BOLA3: variants seen among roughly 807,000 people sequenced by gnomAD.
BOLA3 encodes the protein bolA-like protein 3.
BOLA3 carries 8 observed loss-of-function variants against 14.5 expected under a neutral mutation model. The observed-to-expected ratio is 0.55, with a 90% CI of 0.32 to 0.99. The LOEUF (loss-of-function observed/expected upper bound fraction) is 0.99, where lower values mean the gene tolerates loss of function less well. Among genes scored for constraint, BOLA3 ranks in the 50% least tolerant of loss-of-function variants. BOLA3 has a pLI of 0.04. For missense variants in BOLA3, 115 were observed against 138.2 expected, an observed-to-expected ratio of 0.83 and a Z score of 0.84; for synonymous variants, 42 against 45.7, an observed-to-expected ratio of 0.92 and a Z score of 0.33.
At chr2:74,142,062 G>T (rs1270722637) in intron 3 of BOLA3, among the ~76,000 whole-genome samples, 1 of 152,214 alleles carries the variant, frequency 6.6e-6, no homozygotes, top group African/African-American at 2.4e-5. Flanking sequence ...TCACTATTGG[G>T]AGGCCTGTCT....
chr2:74,138,043 G>T (rs1045897224), intron 3 of BOLA3, among the ~76,000 whole-genome samples: 2 of 152,162 alleles, frequency 1.3e-5, no homozygotes, highest in African/African-American at 4.8e-5. Context: ...ACCCACTCAG[G>T]CCCTGCGCAC....
At chr2:74,141,030 G>A (rs1011248735) in intron 3 of BOLA3, among the ~76,000 whole-genome samples, 6 of 152,208 alleles carry the variant, frequency 3.9e-5, no homozygotes, top group African/African-American at 1.4e-4. Context: ...CACACCAGGT[G>A]GCTTGTACAG....
At chr2:74,141,443 G>A (rs1261933816) in intron 3 of BOLA3, among the ~76,000 whole-genome samples, 2 of 152,072 alleles carry the variant, frequency 1.3e-5, no homozygotes, top group Non-Finnish European at 2.9e-5. Context: ...TTTGAGCTGA[G>A]TGGAGGACGG....
chr2:74,142,939 G>C (rs752411468), intron 2 of BOLA3, among the ~76,000 whole-genome samples: 13 of 152,156 alleles, frequency 8.5e-5, no homozygotes, highest in African/African-American at 2.2e-4. Flanking sequence ...CTGGCTTTTG[G>C]GGGGAGAACT....
intron 1 of BOLA3, 97 bp from the exon 2 acceptor site, chr2:74,145,400 G>A (rs1012573028): frequency 1.2e-6 from 1 of 805,500 alleles, no homozygotes. Context: ...CCCCTGCAAG[G>A]CAGGCCCCTG....
At chr2:74,141,949 C>G (rs1013549373) in intron 3 of BOLA3, among the ~76,000 whole-genome samples, 20 of 152,172 alleles carry the variant, frequency 1.3e-4, no homozygotes, top group African/African-American at 4.6e-4. Flanking sequence ...CTCTTCAGAT[C>G]TACAAAAACA....
chr2:74,142,859 C>T (rs535240757), intron 2 of BOLA3, among the ~76,000 whole-genome samples: 48 of 152,332 alleles, frequency 3.2e-4, no homozygotes, highest in African/African-American at 1.1e-3. Flanking sequence ...AGCAAACATG[C>T]TATGCATGGA....
At chr2:74,147,798 G>A (rs1476977030) in intron 1 of BOLA3, 23 bp downstream of exon 1, 2 of 1,529,784 alleles carry the variant, frequency 1.3e-6, no homozygotes, top group Non-Finnish European at 8.7e-7. Flanking sequence ...GGGGAGAGCA[G>A]CCCCGACCCT....
Position 74,147,855 on chromosome 2 carries a change from G to A in BOLA3, c.20C>T (p.Ala7Val), listed in dbSNP as rs1487411769. 3.9e-6 allele frequency: 6 copies of A among 1,524,690 alleles called. No individual in the cohort carries two copies. Among genetic ancestry groups the A allele is most frequent in the East Asian group, 2.5e-5 (1 of 39,630 alleles). 94.4% of individuals were successfully genotyped at this position (1,524,690 alleles called of 1,614,324 possible). A position where few individuals can be genotyped will look rare whatever the true frequency, so the allele number is the denominator to read the frequency against. MAAWSP[A>V]AAAPLLRGIR... ...CCCGCGGAGGAGAGGCGCTGCCGCGGCCGGGCTCCATGCAGCCATGCCCGG... is the reference window on the plus strand; with the variant it reads ...CCCGCGGAGGAGAGGCGCTGCCGCGACCGGGCTCCATGCAGCCATGCCCGG... Residue 7 changes from alanine to valine, a missense_variant, in exon 1 of 4, where the codon GCC (alanine) becomes GTC (valine). Ala to Val is a moderately conservative substitution (Grantham distance 64). Transcript: ENST00000327428.
At chr2:74,139,131 G>A (rs1692389195) in intron 3 of BOLA3, among the ~76,000 whole-genome samples, 1 of 152,152 alleles carries the variant, frequency 6.6e-6, no homozygotes, top group African/African-American at 2.4e-5. Context: ...GTCCATTCCT[G>A]AGGGTGCCGA....
At chr2:74,142,686 C>T (rs529732117) in intron 2 of BOLA3, among the ~76,000 whole-genome samples, 9 of 152,274 alleles carry the variant, frequency 5.9e-5, no homozygotes, top group Non-Finnish European at 8.8e-5. Context: ...CCAATAAACG[C>T]CACGGAAGAG....
Position 74,137,378 on chromosome 2 carries a change from C to G in BOLA3, c.259-1720G>C, listed in dbSNP as rs574808381. ...TTAGCAGGAGAAAAGGAGACCAACA[C>G]AGGGAAAGAAGCTGAAAGCTCAGAG... is the stretch of plus-strand genomic sequence containing the variant. On this transcript the variant is annotated intron_variant, in intron 3 of 3. Coordinates refer to ENST00000327428, the MANE Select transcript of BOLA3 (RefSeq NM_212552.3). 3.8e-4 allele frequency among the ~76,000 whole-genome samples: 58 copies of G among 152,288 alleles called. No individual in the cohort carries two copies. In the South Asian group the frequency reaches 7.9e-3, roughly 21 times the overall value.
intron 3 of BOLA3, among the ~76,000 whole-genome samples, chr2:74,140,528 G>C (rs561697339): frequency 3.8e-4 from 58 of 152,308 alleles, no homozygotes; most frequent in African/African-American, 1.3e-3. Flanking sequence ...CTGCTTTCGA[G>C]GGGGAATGAA....
In BOLA3 at chr2:74,145,173, G is replaced by T; in HGVS notation, c.169+16C>A. On this transcript the variant is annotated intron_variant, in intron 2 of 3. Transcript: ENST00000327428. Reference sequence around the variant, plus strand: ...ATCTTATCCAAGCGCCGTAGGAAGAGTGAGAGAAACCTTACCTGAAATGTC... The same window carrying T: ...ATCTTATCCAAGCGCCGTAGGAAGATTGAGAGAAACCTTACCTGAAATGTC... The T allele has an allele frequency of 7.1e-7, 1 of 1,413,160 alleles. No individual in the cohort carries two copies. The highest frequency in any genetic ancestry group is 1.0e-6 in the Non-Finnish European group (1 of 997,234). 87.5% of individuals were successfully genotyped at this position (1,413,160 alleles called of 1,614,324 possible). A position where few individuals can be genotyped will look rare whatever the true frequency, so the allele number is the denominator to read the frequency against.
At chr2:74,147,753 C>T in intron 1 of BOLA3, 68 bp downstream of exon 1, 1 of 1,497,678 alleles carries the variant, frequency 6.7e-7, no homozygotes, top group Non-Finnish European at 9.0e-7. Flanking sequence ...CCCCGACAGC[C>T]GCCGGCCCCG....
chr2:74,147,552 T>C (rs1692569540), intron 1 of BOLA3: 2 of 544,330 alleles, frequency 3.7e-6, no homozygotes, highest in African/African-American at 2.0e-5. Context: ...GTATTATGAC[T>C]GTTCATGTGT....
chr2:74,146,358 T>A (rs1350148717), intron 1 of BOLA3: 1 of 152,286 alleles, frequency 6.6e-6, no homozygotes, highest in Non-Finnish European at 1.5e-5. Context: ...GAAAAGCAGG[T>A]CGGCAGTCAC....
At chr2:74,141,301 G>A (rs543628891) in intron 3 of BOLA3, among the ~76,000 whole-genome samples, 14 of 152,240 alleles carry the variant, frequency 9.2e-5, no homozygotes, top group African/African-American at 3.4e-4. Flanking sequence ...AGGGCTGACA[G>A]GTTGCAGGGT....
At chr2:74,138,965 C>T (rs1471326627) in intron 3 of BOLA3, among the ~76,000 whole-genome samples, 1 of 152,330 alleles carries the variant, frequency 6.6e-6, no homozygotes, top group East Asian at 1.9e-4. Flanking sequence ...GGCAGGAGGA[C>T]AGGTAGGGAG....
Sources: gnomAD v4.1 joint callset for allele counts (sites outside exome capture counted in the v4.1 genomes callset) on GRCh38, gnomAD v4.1.1 for gene constraint, MANE v1.5 for transcripts, NCBI Gene and HGNC (gene_info 2026-07-23, HGNC 2026-07-21) for gene names.